COL5A1: variants seen among roughly 807,000 people sequenced by gnomAD.
COL5A1 encodes the protein collagen type V alpha 1 chain.
In COL5A1, 16 loss-of-function variants were observed where a neutral mutation model predicts 263.7. The observed-to-expected ratio is 0.06, with a 90% CI of 0.04 to 0.09. COL5A1 has a LOEUF of 0.09. COL5A1 is among the 10% of genes least tolerant of loss of function. COL5A1 has a pLI of 1.00. For missense variants in COL5A1, 2,036 were observed against 2,540.5 expected (o/e 0.80, Z 4.27); for synonymous variants, 1,012 against 1,004.5 (o/e 1.01, Z -0.14).
intron 4 of COL5A1, among the ~76,000 whole-genome samples, chr9:134,722,708 G>A (rs1044098233): frequency 6.6e-6 from 1 of 152,228 alleles, no homozygotes; most frequent in Non-Finnish European, 1.5e-5. Context: ...TGATCCAGAA[G>A]TCATGTTGCT....
At chr9:134,839,041 C>T (rs943147168) in intron 65 of COL5A1, among the ~76,000 whole-genome samples, 2 of 152,228 alleles carry the variant, frequency 1.3e-5, no homozygotes, top group East Asian at 1.9e-4. Flanking sequence ...CCTGATGCCC[C>T]GAACTCGGGC....
intron 63 of COL5A1, among the ~76,000 whole-genome samples, chr9:134,827,455 G>A (rs778016832): frequency 2.0e-5 from 3 of 152,316 alleles, no homozygotes; most frequent in East Asian, 1.9e-4. Context: ...CTTCCATCTC[G>A]GCTCTCGTTT....
intron 42 of COL5A1, among the ~76,000 whole-genome samples, chr9:134,807,370 T>C (rs775629907): frequency 1.1e-4 from 16 of 152,216 alleles, no homozygotes; most frequent in South Asian, 4.1e-4. Context: ...CTCGGCTCAC[T>C]GTGACCTCCA....
chr9:134,749,726 G>A (rs927513636), intron 11 of COL5A1, among the ~76,000 whole-genome samples: 1 of 152,218 alleles, frequency 6.6e-6, no homozygotes, highest in African/African-American at 2.4e-5. Context: ...TTTTCTCACT[G>A]GGGAGAGGGG....
chr9:134,658,103 T>A (rs1832080746), intron 1 of COL5A1, among the ~76,000 whole-genome samples: 1 of 151,924 alleles, frequency 6.6e-6, no homozygotes, highest in African/African-American at 2.4e-5. Flanking sequence ...CAAAACTGGG[T>A]CTTTTCTCAG....
Position 134,750,830 on chromosome 9 carries a change from C to G in COL5A1, c.1610C>G (p.Pro537Arg). The G allele has an allele frequency of 3.1e-6, 5 of 1,613,214 alleles. No individual in the cohort carries two copies. Among genetic ancestry groups the G allele is most frequent in the Non-Finnish European group, 3.4e-6 (4 of 1,180,006 alleles). ...GGCGGCGATGCGGGCTCCAAAGGCC[C>G]CATGGTCTCAGCCCAGGAGTCCCAG... is the stretch of plus-strand genomic sequence containing the variant. ...GGGGDAGSKG[P>R]MVSAQESQAQ... The change falls in exon 13 of 66, where the codon CCC becomes CGC. Residue 537 changes from proline to arginine, a missense_variant. Around this residue, in one of 3 missense-constraint regions of COL5A1, gnomAD observed 1,078 missense variants for 1,521.4 expected, o/e 0.71. Coordinates refer to ENST00000371817, the MANE Select transcript of COL5A1 (RefSeq NM_000093.5).
At position 134,754,226 on chromosome 9, in the gene COL5A1, G is replaced by T. The variant is rs769464258; in HGVS notation, c.1774-47G>T. ...GGGACAAGGCTTTGCTCTTTCTCCT[G>T]AGAAAGGCGGACTCGCCACTGACCC... On this transcript the variant is annotated intron_variant, in intron 15 of 65. Transcript: ENST00000371817. The surrounding 1 kb of genome is among the most constrained non-coding windows in gnomAD (Gnocchi z 4.3). The T allele has an allele frequency of 1.5e-5, 24 of 1,600,608 alleles. No individual in the cohort carries two copies. The South Asian group carries it at 2.6e-4, about 18-fold the overall frequency.
chr9:134,806,137 A>G (rs1838287699), intron 41 of COL5A1, 52 bp from the exon 42 acceptor site: 1 of 1,355,392 alleles, frequency 7.4e-7, no homozygotes, highest in Non-Finnish European at 1.0e-6. Context: ...CAAAGTCACG[A>G]CCACGCAGTC....
intron 48 of COL5A1, among the ~76,000 whole-genome samples, chr9:134,813,542 G>GTA (rs1307600014): frequency 6.6e-6 from 1 of 152,230 alleles, no homozygotes; most frequent in Admixed American, 6.5e-5. Flanking sequence ...TGTCCCCGCT[G>GTA]TAGGGCGCAT....
intron 4 of COL5A1, among the ~76,000 whole-genome samples, chr9:134,723,838 C>T (rs987274887): frequency 1.3e-5 from 2 of 152,318 alleles, no homozygotes; most frequent in Admixed American, 1.3e-4. Flanking sequence ...CAGGAACTTA[C>T]CACCTGGCAG....
intron 4 of COL5A1, among the ~76,000 whole-genome samples, chr9:134,720,689 G>T (rs1289626949): frequency 1.3e-5 from 2 of 152,182 alleles, no homozygotes; most frequent in African/African-American, 4.8e-5. Context: ...CCTGGAGGGG[G>T]TCAGGGGAGG....
At chr9:134,728,011 C>T (rs1588476533) in intron 5 of COL5A1, among the ~76,000 whole-genome samples, 1 of 152,232 alleles carries the variant, frequency 6.6e-6, no homozygotes, top group Non-Finnish European at 1.5e-5. Flanking sequence ...GGCCCACTGC[C>T]TCTCATTTCT....
In COL5A1 at chr9:134,741,353, G is replaced by C. The variant is rs533114154; in HGVS notation, c.1494+2545G>C. ...AGACAAGAAGTAAAAACCAAAAAAA[G>C]TGCTTGGGTTCGGGAGCATATATAC... On this transcript the variant is annotated intron_variant, in intron 11 of 65. Coordinates refer to ENST00000371817, the MANE Select transcript of COL5A1 (RefSeq NM_000093.5). This position sits in a 1 kb window ranked among gnomAD's most constrained non-coding sequence, Gnocchi z 4.5. Among the ~76,000 whole-genome samples the C allele has an allele frequency of 1.6e-4, 25 of 152,308 alleles. No homozygotes were observed. Among genetic ancestry groups the C allele is most frequent in the African/African-American group, 5.3e-4 (22 of 41,578 alleles).
chr9:134,724,620 C>A (rs1395573118), intron 4 of COL5A1, among the ~76,000 whole-genome samples: 1 of 152,238 alleles, frequency 6.6e-6, no homozygotes, highest in African/African-American at 2.4e-5. Flanking sequence ...GATGGGTGTG[C>A]GCACAGAGCT....
At chr9:134,760,929 A>G (rs1171337254) in intron 18 of COL5A1, among the ~76,000 whole-genome samples, 2 of 148,296 alleles carry the variant, frequency 1.3e-5, no homozygotes, top group Non-Finnish European at 1.5e-5. Flanking sequence ...ACGTACACAC[A>G]TGCACACACA....
chr9:134,674,087 C>T (rs1483185587), intron 1 of COL5A1, among the ~76,000 whole-genome samples: 1 of 152,130 alleles, frequency 6.6e-6, no homozygotes, highest in Non-Finnish European at 1.5e-5. Flanking sequence ...GGGGTGCAAC[C>T]ACTTTGGAAA....
Position 134,682,191 on chromosome 9 carries a change from C to A in COL5A1, c.110-8721C>A, listed in dbSNP as rs1407448300. Among the ~76,000 whole-genome samples the A allele has an allele frequency of 6.6e-6, 1 of 152,166 alleles. No homozygotes were observed. The highest frequency in any genetic ancestry group is 1.5e-5 in the Non-Finnish European group (1 of 68,030). On this transcript the variant is annotated intron_variant, in intron 1 of 65. Coordinates refer to ENST00000371817, the MANE Select transcript of COL5A1 (RefSeq NM_000093.5). The surrounding 1 kb of genome is among the most constrained non-coding windows in gnomAD (Gnocchi z 5.1). ...GGCCAGGCAGAAATGCTGCCCTGTT[C>A]GGGCTGGGGGCTGGACTGGGTGTCC...
intron 26 of COL5A1, among the ~76,000 whole-genome samples, chr9:134,774,591 C>A (rs1836983443): frequency 6.6e-6 from 1 of 152,232 alleles, no homozygotes; most frequent in Non-Finnish European, 1.5e-5. Flanking sequence ...CCCAGCCTAT[C>A]CCTTATTTCC....
chr9:134,679,843 C>A (rs1832802399), intron 1 of COL5A1, among the ~76,000 whole-genome samples: 1 of 151,954 alleles, frequency 6.6e-6, no homozygotes, highest in Non-Finnish European at 1.5e-5. Flanking sequence ...CTCGCGAGGC[C>A]CCACTGCCAA....
Sources: allele counts gnomAD v4.1 joint callset (sites outside exome capture counted in the v4.1 genomes callset), GRCh38; gene constraint gnomAD v4.1.1; regional missense constraint gnomAD v4.1.1; non-coding constraint Gnocchi (gnomAD v3.1); transcripts MANE v1.5; gene names NCBI Gene and HGNC (gene_info 2026-07-23, HGNC 2026-07-21).